The following RARB variants were observed in gnomAD, a reference collection of about 807,000 sequenced individuals.
RARB encodes retinoic acid receptor beta, also known as HBV-activated protein.
Under a neutral mutation model 51.9 loss-of-function variants are expected in RARB, and 17 were observed. The ratio of observed to expected loss-of-function variants is 0.33; its 90% CI spans 0.22 to 0.49. RARB has a LOEUF of 0.49. RARB is among the 20% of genes least tolerant of loss of function. The pLI, the probability that RARB is intolerant of heterozygous loss-of-function variation, is 0.99. For missense variants in RARB, 369 were observed against 550.8 expected (o/e 0.67, Z 3.30); for synonymous variants, 215 against 195.4 (o/e 1.10, Z -0.84).
intron 5 of RARB, among the ~76,000 whole-genome samples, chr3:25,317,840 T>C (rs1471065996): frequency 6.6e-6 from 1 of 152,210 alleles, no homozygotes; most frequent in Admixed American, 6.5e-5. Context: ...AAAACATTAT[T>C]GGGGTACCTC....
chr3:25,015,621 G>A (rs960229261), intron 2 of RARB, among the ~76,000 whole-genome samples: 3 of 152,126 alleles, frequency 2.0e-5, no homozygotes, highest in Non-Finnish European at 4.4e-5. Context: ...AATGAGCCTG[G>A]TTCCCACAGC....
chr3:25,233,888 T>G (rs1432571917), intron 5 of RARB, among the ~76,000 whole-genome samples: 1 of 152,028 alleles, frequency 6.6e-6, no homozygotes, highest in East Asian at 1.9e-4. Context: ...CTTCATTGAT[T>G]TTTGAATGTT....
chr3:25,494,375 GAA>G (rs565101022), intron 2 of RARB, among the ~76,000 whole-genome samples: 7 of 152,122 alleles, frequency 4.6e-5, no homozygotes, highest in African/African-American at 1.7e-4. Flanking sequence ...ATTCTTGGGG[GAA>G]AGCCTGCCTT....
intron 2 of RARB, among the ~76,000 whole-genome samples, chr3:24,860,804 G>T (rs1451822609): frequency 1.3e-5 from 2 of 152,200 alleles, no homozygotes; most frequent in Non-Finnish European, 2.9e-5. Flanking sequence ...ACAGAGAGGT[G>T]AAGTAACTTA....
intron 5 of RARB, among the ~76,000 whole-genome samples, chr3:25,265,507 C>T (rs138512407): frequency 3.3e-5 from 5 of 152,294 alleles, no homozygotes; most frequent in Non-Finnish European, 7.4e-5. Context: ...GAGTCTTGCT[C>T]TGTCACCCAG....
At chr3:25,579,850 G>A (rs7644463) in intron 4 of RARB, among the ~76,000 whole-genome samples, 11,753 of 152,184 alleles carry the variant, frequency 0.077, 879 homozygotes, top group African/African-American at 0.19. Flanking sequence ...AATATTTCAT[G>A]GGTGGTGGTG....
At chr3:24,959,910 T>C (rs573188271) in intron 2 of RARB, among the ~76,000 whole-genome samples, 33 of 152,330 alleles carry the variant, frequency 2.2e-4, no homozygotes, top group African/African-American at 7.7e-4. Flanking sequence ...TTTTAAGACA[T>C]AGTTGTTCAG....
intron 5 of RARB, among the ~76,000 whole-genome samples, chr3:25,293,610 A>AAAG (rs1703844184): frequency 6.7e-6 from 1 of 149,944 alleles, no homozygotes; most frequent in African/African-American, 2.4e-5. Flanking sequence ...AAAAAAAAAA[A>AAAG]AAAAAAAAGT....
intron 5 of RARB, among the ~76,000 whole-genome samples, chr3:25,211,002 T>C (rs1701683451): frequency 1.3e-5 from 2 of 152,168 alleles, no homozygotes; most frequent in African/African-American, 2.4e-5. Context: ...AGTTTCCTCA[T>C]TGTGATAAAA....
intron 4 of RARB, among the ~76,000 whole-genome samples, chr3:25,165,701 A>G (rs1700550539): frequency 6.6e-6 from 1 of 152,192 alleles, no homozygotes; most frequent in East Asian, 1.9e-4. Flanking sequence ...GGGAATATAC[A>G]TGAAAAGACC....
At chr3:24,934,835 T>C (rs1386169672) in intron 2 of RARB, among the ~76,000 whole-genome samples, 1 of 152,086 alleles carries the variant, frequency 6.6e-6, no homozygotes, top group Non-Finnish European at 1.5e-5. Context: ...AAAATGAATT[T>C]AAAGCCTATG....
chr3:25,009,280 C>T (rs562612121), intron 2 of RARB, among the ~76,000 whole-genome samples: 5 of 152,146 alleles, frequency 3.3e-5, no homozygotes, highest in Admixed American at 1.3e-4. Flanking sequence ...ATAGGTACTT[C>T]GTTCTATAAT....
At chr3:24,966,489 T>C (rs1696275625) in intron 2 of RARB, among the ~76,000 whole-genome samples, 2 of 152,158 alleles carry the variant, frequency 1.3e-5, no homozygotes, top group Non-Finnish European at 2.9e-5. Context: ...CTGGTGATAT[T>C]TTATGGTTTC....
At chr3:24,877,400 G>T (rs1464919409) in intron 2 of RARB, among the ~76,000 whole-genome samples, 1 of 112,816 alleles carries the variant, frequency 8.9e-6, no homozygotes, top group Non-Finnish European at 1.7e-5. Context: ...ACTCTAGAAA[G>T]ACTTAAGAAT....
intron 5 of RARB, among the ~76,000 whole-genome samples, chr3:25,327,672 C>A (rs1704766117): frequency 6.6e-6 from 1 of 152,114 alleles, no homozygotes; most frequent in South Asian, 2.1e-4. Context: ...AGAAAGGATT[C>A]ATGAAACTAA....
At chr3:25,255,079 C>T (rs975887544) in intron 5 of RARB, among the ~76,000 whole-genome samples, 53 of 152,142 alleles carry the variant, frequency 3.5e-4, no homozygotes, top group African/African-American at 1.2e-3. Context: ...GGCTTACTGA[C>T]CAGTTTAAAT....
intron 2 of RARB, among the ~76,000 whole-genome samples, chr3:24,925,596 A>G (rs1172486355): frequency 2.7e-5 from 4 of 149,318 alleles, no homozygotes; most frequent in Admixed American, 2.0e-4. Flanking sequence ...TAGTGAACCA[A>G]GAGCTCACGA....
chr3:25,568,164 A>C (rs190501262), intron 3 of RARB, among the ~76,000 whole-genome samples: 1 of 152,148 alleles, frequency 6.6e-6, no homozygotes, highest in Admixed American at 6.5e-5. Context: ...GCCAATGAGC[A>C]GTGTCATTTC....
chr3:24,877,209 CATAG>C (rs1161490112), intron 2 of RARB, among the ~76,000 whole-genome samples: 2 of 151,922 alleles, frequency 1.3e-5, no homozygotes, highest in African/African-American at 4.8e-5. Flanking sequence ...CACAATGATT[CATAG>C]ATAGTATCTC....
Sources: gnomAD v4.1 joint callset for allele counts (sites outside exome capture counted in the v4.1 genomes callset) on GRCh38, gnomAD v4.1.1 for gene constraint, MANE v1.5 for transcripts, NCBI Gene and HGNC (gene_info 2026-07-23, HGNC 2026-07-21) for gene names.